Variants in GALNTL6 observed in about 807,000 individuals in gnomAD.
GALNTL6 encodes polypeptide N-acetylgalactosaminyltransferase like 6, also known as polypeptide N-acetylgalactosaminyltransferase-like 6.
GALNTL6 carries 46 observed loss-of-function variants against 73.7 expected under a neutral mutation model. The observed-to-expected ratio is 0.62, with a 90% CI of 0.49 to 0.80. GALNTL6 has a LOEUF of 0.80. Among genes scored for constraint, GALNTL6 ranks in the 30% least tolerant of loss-of-function variants. The pLI is 0.00. For synonymous variants in GALNTL6, 259 were observed against 263.7 expected, an observed-to-expected ratio of 0.98 and a Z score of 0.17; for missense variants, 604 against 755.0, an observed-to-expected ratio of 0.80 and a Z score of 2.34.
At chr4:172,351,164 G>A (rs1038130198) in intron 5 of GALNTL6, among the ~76,000 whole-genome samples, 3 of 123,892 alleles carry the variant, frequency 2.4e-5, no homozygotes, top group African/African-American at 6.4e-5. Context: ...TTAATCAAAT[G>A]TGATCCACAA....
intron 2 of GALNTL6, among the ~76,000 whole-genome samples, chr4:171,977,462 C>T (rs1038378110): frequency 6.6e-6 from 1 of 152,196 alleles, no homozygotes; most frequent in Non-Finnish European, 1.5e-5. Flanking sequence ...TTGGTTTCTT[C>T]TGTGGCCTCA....
At chr4:172,457,980 G>C (rs1394906560) in intron 5 of GALNTL6, among the ~76,000 whole-genome samples, 1 of 151,416 alleles carries the variant, frequency 6.6e-6, no homozygotes, top group Non-Finnish European at 1.5e-5. Context: ...TCCTCAGCAA[G>C]TACAAAAGAA....
At chr4:172,465,156 T>G (rs190788418) in intron 5 of GALNTL6, among the ~76,000 whole-genome samples, 1 of 152,302 alleles carries the variant, frequency 6.6e-6, no homozygotes, top group Admixed American at 6.5e-5. Context: ...TCTTTCAATA[T>G]CTCCATTTGA....
intron 2 of GALNTL6, among the ~76,000 whole-genome samples, chr4:172,091,383 A>T (rs1732198351): frequency 6.6e-6 from 1 of 152,154 alleles, no homozygotes; most frequent in South Asian, 2.1e-4. Flanking sequence ...TAATACCTTT[A>T]TGAATTGGGT....
intron 4 of GALNTL6, among the ~76,000 whole-genome samples, chr4:172,329,732 A>G (rs1741062209): frequency 6.6e-6 from 1 of 152,156 alleles, no homozygotes. Flanking sequence ...GAAGGCAACA[A>G]TGGCTAAGGC....
At chr4:172,170,144 C>T (rs536219813) in intron 2 of GALNTL6, among the ~76,000 whole-genome samples, 1 of 152,310 alleles carries the variant, frequency 6.6e-6, no homozygotes, top group African/African-American at 2.4e-5. Flanking sequence ...ACTCTGTCTT[C>T]CTGATATAAC....
intron 2 of GALNTL6, among the ~76,000 whole-genome samples, chr4:171,924,697 A>G (rs79644592): frequency 0.042 from 6,322 of 152,296 alleles, 377 homozygotes; most frequent in African/African-American, 0.13. Context: ...TTTGGATCTC[A>G]AAAAGTCCAA....
At chr4:172,907,213 C>A (rs1482787271) in intron 8 of GALNTL6, among the ~76,000 whole-genome samples, 3 of 150,856 alleles carry the variant, frequency 2.0e-5, no homozygotes, top group Admixed American at 6.6e-5. Context: ...TCTAAAAAAA[C>A]TTTTTTTCTA....
At chr4:172,304,477 T>A (rs771011194) in intron 3 of GALNTL6, among the ~76,000 whole-genome samples, 47 of 151,852 alleles carry the variant, frequency 3.1e-4, no homozygotes, top group Admixed American at 1.4e-3. Flanking sequence ...GGTATGCTGG[T>A]TTAATTGTGT....
intron 10 of GALNTL6, among the ~76,000 whole-genome samples, chr4:172,974,091 G>T (rs996550620): frequency 6.6e-6 from 1 of 152,138 alleles, no homozygotes; most frequent in Non-Finnish European, 1.5e-5. Flanking sequence ...AGGTAGCTAG[G>T]TATCAGTATT....
chr4:171,864,014 G>A (rs1464863919), intron 2 of GALNTL6, among the ~76,000 whole-genome samples: 2 of 151,890 alleles, frequency 1.3e-5, no homozygotes, highest in Non-Finnish European at 2.9e-5. Context: ...CACCTGCCTC[G>A]GCCTCCCAAA....
intron 5 of GALNTL6, among the ~76,000 whole-genome samples, chr4:172,463,438 T>C (rs1352225919): frequency 1.3e-5 from 2 of 152,018 alleles, no homozygotes; most frequent in Non-Finnish European, 2.9e-5. Context: ...TATATCGGTA[T>C]GTAGCCAGAA....
intron 5 of GALNTL6, among the ~76,000 whole-genome samples, chr4:172,733,156 G>A (rs905932632): frequency 6.6e-6 from 1 of 152,114 alleles, no homozygotes; most frequent in Non-Finnish European, 1.5e-5. Context: ...GTCTGTGAAA[G>A]ACTTTTCTCT....
chr4:171,896,783 A>G (rs1297439554), intron 2 of GALNTL6, among the ~76,000 whole-genome samples: 1 of 152,220 alleles, frequency 6.6e-6, no homozygotes, highest in Non-Finnish European at 1.5e-5. Flanking sequence ...AAAAACATTC[A>G]GTCTGCATCA....
intron 4 of GALNTL6, among the ~76,000 whole-genome samples, chr4:172,326,529 A>G (rs1391759292): frequency 6.6e-6 from 1 of 151,988 alleles, no homozygotes; most frequent in Non-Finnish European, 1.5e-5. Flanking sequence ...TTGGCTTTTC[A>G]AAGTAGTGAT....
At chr4:172,485,057 G>T (rs1733620765) in intron 5 of GALNTL6, among the ~76,000 whole-genome samples, 1 of 152,110 alleles carries the variant, frequency 6.6e-6, no homozygotes, top group South Asian at 2.1e-4. Context: ...AATAAAATAA[G>T]TAGATTGTAA....
chr4:171,897,639 G>A (rs1736963708), intron 2 of GALNTL6, among the ~76,000 whole-genome samples: 1 of 151,958 alleles, frequency 6.6e-6, no homozygotes, highest in South Asian at 2.1e-4. Context: ...TGGTCAAGAT[G>A]GTGAAACCCC....
intron 5 of GALNTL6, among the ~76,000 whole-genome samples, chr4:172,491,023 T>G (rs1347310624): frequency 9.3e-6 from 1 of 107,604 alleles, no homozygotes; most frequent in Admixed American, 1.1e-4. Flanking sequence ...GACCTTATGT[T>G]GTCAAAAACA....
chr4:172,884,230 C>T (rs934841218), intron 8 of GALNTL6, among the ~76,000 whole-genome samples: 2 of 152,168 alleles, frequency 1.3e-5, no homozygotes, highest in Non-Finnish European at 1.5e-5. Flanking sequence ...TTTTGCATTT[C>T]CACCAACAGT....
Sources: gnomAD v4.1 joint callset for allele counts (sites outside exome capture counted in the v4.1 genomes callset) on GRCh38, gnomAD v4.1.1 for gene constraint, MANE v1.5 for transcripts, NCBI Gene and HGNC (gene_info 2026-07-23, HGNC 2026-07-21) for gene names.